Variants in MECOM observed in about 807,000 individuals in gnomAD.
The protein encoded by MECOM is MDS1 and EVI1 complex locus.
Under a neutral mutation model 116.3 loss-of-function variants are expected in MECOM, and 13 were observed. The ratio of observed to expected loss-of-function variants is 0.11; its 90% CI spans 0.07 to 0.18. The LOEUF (loss-of-function observed/expected upper bound fraction) is 0.18, where lower values mean the gene tolerates loss of function less well. Among genes scored for constraint, MECOM ranks in the 10% least tolerant of loss-of-function variants. The pLI is 1.00. For missense variants in MECOM, 1,299 were observed against 1,509.0 expected (o/e 0.86, Z 2.31); for synonymous variants, 528 against 535.2 (o/e 0.99, Z 0.19).
chr3:169,204,501 T>A (rs1199727976), intron 2 of MECOM, among the ~76,000 whole-genome samples: 1 of 152,342 alleles, frequency 6.6e-6, no homozygotes, highest in African/African-American at 2.4e-5. Flanking sequence ...GAATTATTTA[T>A]ATGCCCCTGC....
intron 1 of MECOM, among the ~76,000 whole-genome samples, chr3:169,484,822 G>A (rs1199964157): frequency 6.6e-6 from 1 of 151,926 alleles, no homozygotes; most frequent in Non-Finnish European, 1.5e-5. Context: ...CATATCAAAA[G>A]AGTTATTGAT....
Position 169,105,255 on chromosome 3 carries a change from C to A in MECOM, c.2604+2671G>T, listed in dbSNP as rs1724983988. On this transcript the variant is annotated intron_variant, in intron 10 of 16. Transcript: ENST00000651503. ...TTAAGATAAACAGAAGTGACTCAGA[C>A]ATCTGCTAGTTGGGGTAACTTGGCA... 7.9e-5 allele frequency among the ~76,000 whole-genome samples: 12 copies of A among 152,132 alleles called. 1 individual carries two copies. Among genetic ancestry groups the A allele is most frequent in the Admixed American group, 7.9e-4 (12 of 15,260 alleles).
intron 2 of MECOM, among the ~76,000 whole-genome samples, chr3:169,306,940 T>G: frequency 6.6e-6 from 1 of 152,166 alleles, no homozygotes; most frequent in South Asian, 2.1e-4. Context: ...CAAACTCTTA[T>G]CTCCAACCCA....
chr3:169,126,565 G>T (rs1216188335), intron 5 of MECOM, among the ~76,000 whole-genome samples: 1 of 151,946 alleles, frequency 6.6e-6, no homozygotes, highest in Non-Finnish European at 1.5e-5. Context: ...ATATGAAGTG[G>T]CAGAGGTGAG....
intron 2 of MECOM, among the ~76,000 whole-genome samples, chr3:169,294,494 G>A (rs1194204159): frequency 1.3e-5 from 2 of 152,184 alleles, no homozygotes; most frequent in Non-Finnish European, 2.9e-5. Flanking sequence ...AGGGGCAGAA[G>A]CAGTAGCCTG....
At chr3:169,199,607 A>G (rs1213416940) in intron 2 of MECOM, among the ~76,000 whole-genome samples, 3 of 152,008 alleles carry the variant, frequency 2.0e-5, no homozygotes, top group African/African-American at 4.8e-5. Flanking sequence ...TCAAAGCATT[A>G]TAATGCAATT....
chr3:169,237,810 C>G (rs1188360012), intron 2 of MECOM, among the ~76,000 whole-genome samples: 2 of 151,942 alleles, frequency 1.3e-5, no homozygotes, highest in Non-Finnish European at 2.9e-5. Context: ...ACTATTTAAC[C>G]ATTTAAAATT....
intron 1 of MECOM, among the ~76,000 whole-genome samples, chr3:169,395,323 A>G (rs1201484692): frequency 6.6e-6 from 1 of 152,194 alleles, no homozygotes; most frequent in Non-Finnish European, 1.5e-5. Context: ...GCCAAAGCAC[A>G]CCAATTTTAC....
intron 2 of MECOM, among the ~76,000 whole-genome samples, chr3:169,208,614 C>A (rs1750275986): frequency 6.6e-6 from 1 of 151,690 alleles, no homozygotes. Flanking sequence ...AAGTAAGGAT[C>A]AAAATATCTG....
intron 1 of MECOM, among the ~76,000 whole-genome samples, chr3:169,480,827 G>A (rs1163274866): frequency 6.6e-6 from 1 of 152,050 alleles, no homozygotes; most frequent in Non-Finnish European, 1.5e-5. Flanking sequence ...TGCTGCTACT[G>A]TCTGCAGAGT....
intron 1 of MECOM, among the ~76,000 whole-genome samples, chr3:169,620,622 G>A (rs948800968): frequency 5.3e-5 from 8 of 152,280 alleles, no homozygotes; most frequent in African/African-American, 1.9e-4. Context: ...GTCTCCATGG[G>A]CTCAGGAAGT....
chr3:169,562,585 G>T (rs1483079153), intron 1 of MECOM, among the ~76,000 whole-genome samples: 1 of 152,112 alleles, frequency 6.6e-6, no homozygotes, highest in Non-Finnish European at 1.5e-5. Context: ...CATGAATTTG[G>T]TGTCTTAACC....
chr3:169,162,923 C>T (rs960848341), intron 2 of MECOM, among the ~76,000 whole-genome samples: 4 of 151,948 alleles, frequency 2.6e-5, no homozygotes, highest in African/African-American at 7.3e-5. Context: ...CCAGGCATAA[C>T]GTTTTGTAGG....
rs796155771 is a variant in MECOM, at chr3:169,485,196, T to C, written c.38-103672A>G. Among the ~76,000 whole-genome samples, 61 of 152,230 alleles carry C rather than the reference T, an allele frequency of 4.0e-4. 1 individual carries two copies. The highest frequency in any genetic ancestry group is 1.4e-3 in the African/African-American group (57 of 41,530). On this transcript the variant is annotated intron_variant, in intron 1 of 16. Coordinates refer to ENST00000651503, the MANE Select transcript of MECOM (RefSeq NM_004991.4). ...TTAGAGTAGAGACGGGGTTTCGCTATGTTGGCCAGGATAGTCTCAAACTCC... is the reference window on the plus strand; with the variant it reads ...TTAGAGTAGAGACGGGGTTTCGCTACGTTGGCCAGGATAGTCTCAAACTCC...
chr3:169,385,087 G>C (rs1733087891), intron 1 of MECOM, among the ~76,000 whole-genome samples: 2 of 133,408 alleles, frequency 1.5e-5, no homozygotes, highest in Non-Finnish European at 3.1e-5. Context: ...CTGGGCAACA[G>C]AGTAAGACCC....
At chr3:169,181,014 A>G (rs1745899202) in intron 2 of MECOM, among the ~76,000 whole-genome samples, 1 of 151,962 alleles carries the variant, frequency 6.6e-6, no homozygotes, top group Non-Finnish European at 1.5e-5. Context: ...AGCTCTTACT[A>G]TGTGTGAAGT....
intron 1 of MECOM, among the ~76,000 whole-genome samples, chr3:169,485,994 T>TATATATA (rs1560341215): frequency 1.1e-5 from 1 of 90,106 alleles, no homozygotes; most frequent in African/African-American, 4.9e-5. Context: ...AGTATATATA[T>TATATATA]GTATATATAT....
chr3:169,465,248 T>C (rs1456108173), intron 1 of MECOM, among the ~76,000 whole-genome samples: 2 of 152,218 alleles, frequency 1.3e-5, no homozygotes, highest in Non-Finnish European at 2.9e-5. Flanking sequence ...TTGTCACTAA[T>C]TAGCCGTGTG....
chr3:169,286,143 A>G (rs948236999), intron 2 of MECOM, among the ~76,000 whole-genome samples: 1 of 152,190 alleles, frequency 6.6e-6, no homozygotes, highest in Admixed American at 6.5e-5. Flanking sequence ...CACTTCGAAG[A>G]AACTTCTGTG....
Sources: gnomAD v4.1 joint callset for allele counts (sites outside exome capture counted in the v4.1 genomes callset) on GRCh38, gnomAD v4.1.1 for gene constraint, MANE v1.5 for transcripts, NCBI Gene and HGNC (gene_info 2026-07-23, HGNC 2026-07-21) for gene names.